Variants in NT5DC1 observed in about 807,000 individuals in gnomAD.
The protein encoded by NT5DC1 is 5'-nucleotidase domain containing 1.
A neutral mutation model predicts 59.4 loss-of-function variants in NT5DC1; 42 were observed. The ratio of observed to expected loss-of-function variants is 0.71; its 90% CI spans 0.55 to 0.92. The LOEUF is 0.92. Among genes scored for constraint, NT5DC1 ranks in the 40% least tolerant of loss-of-function variants. The pLI is 0.00. For synonymous variants in NT5DC1, 172 were observed against 188.1 expected (o/e 0.91, Z 0.70); for missense variants, 501 against 537.1 (o/e 0.93, Z 0.66).
At chr6:116,220,950 T>C in intron 6 of NT5DC1, 104 bp from the exon 7 acceptor site, 1 of 626,864 alleles carries the variant, frequency 1.6e-6, no homozygotes, top group Non-Finnish European at 2.8e-6. Context: ...GTTCTTATCC[T>C]TTTAGTTTTA....
At chr6:116,145,409 A>T (rs1319850673) in intron 6 of NT5DC1, 1 of 340,624 alleles carries the variant, frequency 2.9e-6, no homozygotes, top group Non-Finnish European at 6.6e-6. Context: ...CAAAATGCAA[A>T]ACTTTTTCTG....
intron 11 of NT5DC1, among the ~76,000 whole-genome samples, chr6:116,240,181 T>C (rs1771672287): frequency 6.6e-6 from 1 of 152,230 alleles, no homozygotes; most frequent in African/African-American, 2.4e-5. Context: ...CTGAATTTTA[T>C]GTGAATTGTT....
At position 116,245,404 on chromosome 6, in the gene NT5DC1, G is replaced by T. The variant is rs1240257553; in HGVS notation, c.*1380G>T. 1 of 152,666 alleles carries T rather than the reference G, an allele frequency of 6.6e-6. No homozygotes were observed. Among genetic ancestry groups the T allele is most frequent in the Admixed American group, 6.5e-5 (1 of 15,300 alleles). The allele number at this position is 152,666 out of a possible 1,614,324, so 9.5% of individuals were successfully genotyped here. On this transcript the variant is annotated 3_prime_UTR_variant, in exon 12 of 12. Coordinates refer to ENST00000319550, the MANE Select transcript of NT5DC1 (RefSeq NM_152729.3). ...AAAGAAAAAAAATTTGTTAAAATTT[G>T]TAAATGTTCAGCTAAATCTCAGATA...
intron 6 of NT5DC1, among the ~76,000 whole-genome samples, chr6:116,130,979 T>G (rs1489496186): frequency 1.6e-4 from 24 of 152,206 alleles, no homozygotes; most frequent in Admixed American, 1.6e-3. Flanking sequence ...GTTGATTCAA[T>G]GTGGTAATAC....
chr6:116,230,727 C>T (rs1472232677), intron 8 of NT5DC1, among the ~76,000 whole-genome samples: 1 of 152,170 alleles, frequency 6.6e-6, no homozygotes, highest in Non-Finnish European at 1.5e-5. Flanking sequence ...CCTTCTGCAG[C>T]TCCAGTCAGA....
At chr6:116,105,270 C>A (rs948492214) in intron 1 of NT5DC1, among the ~76,000 whole-genome samples, 1 of 152,162 alleles carries the variant, frequency 6.6e-6, no homozygotes, top group Non-Finnish European at 1.5e-5. Context: ...ATTCACCCAG[C>A]GAACTGCTGC....
At chr6:116,137,633 C>A in intron 6 of NT5DC1, 1 of 207,870 alleles carries the variant, frequency 4.8e-6, no homozygotes, top group Admixed American at 4.3e-5. Context: ...AACAAAAGTC[C>A]CACATTTTCT....
At chr6:116,235,565 G>T (rs1296774616) in intron 8 of NT5DC1, among the ~76,000 whole-genome samples, 1 of 152,202 alleles carries the variant, frequency 6.6e-6, no homozygotes, top group African/African-American at 2.4e-5. Flanking sequence ...CTGAGGTTAT[G>T]CAGAAATGCA....
chr6:116,163,139 A>ATATATATATATATATATATATATATAT (rs1329810394), intron 6 of NT5DC1, among the ~76,000 whole-genome samples: 1 of 100,430 alleles, frequency 1.0e-5, no homozygotes, highest in African/African-American at 5.6e-5. Context: ...AAAAAAAAAA[A>ATATATATATATATATATATATATATAT]AAATATATAT....
chr6:116,142,315 A>T (rs1779787738), intron 6 of NT5DC1, among the ~76,000 whole-genome samples: 1 of 151,952 alleles, frequency 6.6e-6, no homozygotes, highest in Non-Finnish European at 1.5e-5. Flanking sequence ...GCATATACTT[A>T]GGAAAATGTA....
chr6:116,170,365 C>T (rs749004052), intron 6 of NT5DC1, among the ~76,000 whole-genome samples: 1 of 151,918 alleles, frequency 6.6e-6, no homozygotes, highest in Non-Finnish European at 1.5e-5. Flanking sequence ...AAACTGAATT[C>T]GAAGTCTATT....
At chr6:116,166,799 G>C (rs1019891696) in intron 6 of NT5DC1, among the ~76,000 whole-genome samples, 1 of 152,136 alleles carries the variant, frequency 6.6e-6, no homozygotes, top group Non-Finnish European at 1.5e-5. Flanking sequence ...ATGGTTCCCT[G>C]ATGTAAACTT....
chr6:116,141,627 T>C (rs1035974494), intron 6 of NT5DC1, among the ~76,000 whole-genome samples: 1 of 152,116 alleles, frequency 6.6e-6, no homozygotes, highest in African/African-American at 2.4e-5. Flanking sequence ...TTTAATAGAA[T>C]TTCTGATTCT....
At chr6:116,216,459 C>T (rs878883910) in intron 6 of NT5DC1, among the ~76,000 whole-genome samples, 13 of 150,908 alleles carry the variant, frequency 8.6e-5, no homozygotes, top group Admixed American at 8.6e-4. Context: ...TGGAGTAGGG[C>T]CGGGATATGC....
At position 116,243,969 on chromosome 6, in the gene NT5DC1, A is replaced by G. The variant is rs1329356766; in HGVS notation, c.1313A>G (p.Tyr438Cys). The G allele has an allele frequency of 1.9e-6, 3 of 1,581,784 alleles. No homozygotes were observed. Among genetic ancestry groups the G allele is most frequent in the South Asian group, 1.1e-5 (1 of 89,158 alleles). The part of the protein sequence containing the change: ...FSSSNSKTAG[Y>C]YPNPPLVLSS... ...TCAAGCAATTCAAAAACAGCTGGCTACTATCCAAATCCTCCACTGGTCTTA... is the reference window on the plus strand; with the variant it reads ...TCAAGCAATTCAAAAACAGCTGGCTGCTATCCAAATCCTCCACTGGTCTTA... Residue 438 changes from tyrosine (Y) to cysteine (C), a missense_variant, in exon 12 of 12, where the codon TAC becomes TGC. Physicochemically the swap from Tyr to Cys is radical, Grantham distance 194. Coordinates refer to ENST00000319550, the MANE Select transcript of NT5DC1 (RefSeq NM_152729.3).
intron 11 of NT5DC1, among the ~76,000 whole-genome samples, 162 bp from the exon 12 acceptor site, chr6:116,243,747 A>C (rs911595463): frequency 5.3e-5 from 8 of 152,186 alleles, no homozygotes; most frequent in Non-Finnish European, 1.0e-4. Flanking sequence ...CACATTTTTA[A>C]CCTTATAATA....
chr6:116,207,295 T>A (rs1432652506), intron 6 of NT5DC1, among the ~76,000 whole-genome samples: 1 of 132,872 alleles, frequency 7.5e-6, no homozygotes, highest in Non-Finnish European at 1.5e-5. Flanking sequence ...CCTTTTAAGA[T>A]CAATAGAGTC....
intron 6 of NT5DC1, among the ~76,000 whole-genome samples, chr6:116,142,619 T>G (rs1326386892): frequency 6.6e-6 from 1 of 152,198 alleles, no homozygotes; most frequent in South Asian, 2.1e-4. Flanking sequence ...CAGGAATGTC[T>G]TCAGCGAGCT....
rs1296245852 is a variant in NT5DC1, at chr6:116,244,028, G to T, written c.*4G>T. The T allele has an allele frequency of 8.2e-7, 1 of 1,221,776 alleles. No homozygotes were observed. Among genetic ancestry groups the T allele is most frequent in the African/African-American group, 1.5e-5 (1 of 65,396 alleles). The allele number at this position is 1,221,776 out of a possible 1,614,324, so 75.7% of individuals were successfully genotyped here. A position where few individuals can be genotyped will look rare whatever the true frequency, so the allele number is the denominator to read the frequency against. On this transcript the variant is annotated 3_prime_UTR_variant, in exon 12 of 12. Coordinates refer to ENST00000319550, the MANE Select transcript of NT5DC1 (RefSeq NM_152729.3). ...TGAGACACTGATATCCAAATAAGTT[G>T]TCTTTACTGAAAAATGAAGTGAAGA...
Sources: allele counts gnomAD v4.1 joint callset (sites outside exome capture counted in the v4.1 genomes callset), GRCh38; gene constraint gnomAD v4.1.1; transcripts MANE v1.5; gene names NCBI Gene and HGNC (gene_info 2026-07-23, HGNC 2026-07-21).